The following CLIP2 variants were observed in gnomAD, a reference collection of about 807,000 sequenced individuals.
CLIP2 encodes CAP-Gly domain containing linker protein 2, also known as CAP-Gly domain-containing linker protein 2.
A neutral mutation model predicts 111.7 loss-of-function variants in CLIP2; 41 were observed. That is an observed-to-expected ratio of 0.37 (90% CI 0.29 to 0.48). CLIP2 has a LOEUF of 0.48. CLIP2 is among the 20% of genes least tolerant of loss of function. The pLI is 0.99. For missense variants in CLIP2, 1,160 were observed against 1,422.1 expected, an observed-to-expected ratio of 0.82 and a Z score of 2.96; for synonymous variants, 660 against 644.2, an observed-to-expected ratio of 1.02 and a Z score of -0.37.
chr7:74,349,308 G>A (rs1350065987), intron 3 of CLIP2, among the ~76,000 whole-genome samples: 2 of 150,776 alleles, frequency 1.3e-5, no homozygotes, highest in African/African-American at 2.4e-5. Flanking sequence ...GCACGTGCCT[G>A]TAATCCCAGC....
chr7:74,292,742 G>GC (rs1788062486), intron 1 of CLIP2, among the ~76,000 whole-genome samples: 2 of 152,122 alleles, frequency 1.3e-5, no homozygotes, highest in African/African-American at 4.8e-5. Context: ...TAATAAGGTT[G>GC]CCTACATTTT....
chr7:74,376,581 A>T lies in CLIP2; in HGVS notation c.2180A>T (p.Asp727Val). 1 of 1,611,382 alleles carries T rather than the reference A, an allele frequency of 6.2e-7. No homozygotes were observed. Among genetic ancestry groups the T allele is most frequent in the East Asian group, 2.2e-5 (1 of 44,780 alleles). ...CAGGAGGCCCAGGACCAGCGCCGGG[A>T]TGCCGAGCTGCGTGTGCACGAGCTG... is the stretch of plus-strand genomic sequence containing the variant. ...ELQEAQDQRRDAELRVHELEK... is the reference protein window; with the variant it reads ...ELQEAQDQRRVAELRVHELEK... Residue 727 changes from aspartate to valine, a missense_variant, in exon 10 of 17, where the codon GAT becomes GTT. Asp to Val is a radical substitution (Grantham distance 152). Transcript: ENST00000223398. The surrounding 1 kb of genome is among the most constrained non-coding windows in gnomAD (Gnocchi z 7.1).
Position 74,362,775 on chromosome 7 carries a change from T to G in CLIP2, c.1320-1480T>G, listed in dbSNP as rs554023180. Among the ~76,000 whole-genome samples the G allele has an allele frequency of 7.4e-3, 1,129 of 152,214 alleles. 6 individuals are homozygous for G. The highest frequency in any genetic ancestry group is 0.011 in the Non-Finnish European group (764 of 67,996). On this transcript the variant is annotated intron_variant, in intron 7 of 16. Coordinates refer to ENST00000223398, the MANE Select transcript of CLIP2 (RefSeq NM_003388.5). Reference sequence around the variant, plus strand: ...GTCTTGAACTCCTGGACTCAAGTGATCCACCCGCCTCGGCCTCCCAAAGTG... The same window carrying G: ...GTCTTGAACTCCTGGACTCAAGTGAGCCACCCGCCTCGGCCTCCCAAAGTG...
Position 74,375,990 on chromosome 7 carries a change from G to T in CLIP2, c.1589G>T (p.Gly530Val). The T allele has an allele frequency of 1.9e-6, 3 of 1,611,444 alleles. No individual in the cohort carries two copies. The highest frequency in any genetic ancestry group is 2.5e-6 in the Non-Finnish European group (3 of 1,179,412). ...CTCCAGCAGTGCCTGTTGCACTCGG[G>T]TCCCCCACCTCCGGACCACCCAGAC... ...EELQQCLLHS[G>V]PPPPDHPDAA... is the part of the protein sequence containing the mutation. Residue 530 changes from glycine (G) to valine (V), a missense_variant, in exon 10 of 17, where the codon GGT (glycine) becomes GTT (valine). By Grantham distance (109) the Gly-to-Val change is moderately radical. Coordinates refer to ENST00000223398, the MANE Select transcript of CLIP2 (RefSeq NM_003388.5).
chr7:74,332,373 G>A (rs1210696279), intron 2 of CLIP2, among the ~76,000 whole-genome samples: 1 of 148,624 alleles, frequency 6.7e-6, no homozygotes, highest in Non-Finnish European at 1.5e-5. Context: ...TGTGCCCCGT[G>A]TAATTTTTTT....
At chr7:74,299,819 C>G (rs1447731110) in intron 1 of CLIP2, among the ~76,000 whole-genome samples, 1 of 150,032 alleles carries the variant, frequency 6.7e-6, no homozygotes, top group Non-Finnish European at 1.5e-5. Flanking sequence ...CTGCCTCAGC[C>G]TCCCAAGTAG....
Position 74,317,687 on chromosome 7 carries a change from TG to T in CLIP2, c.121+26del. On this transcript the variant is annotated intron_variant, in intron 2 of 16. Transcript: ENST00000223398. The stretch of plus-strand genomic sequence containing the variant: ...AGGAAGGTACGTGGCACACCAAGGA[TG>T]GGGGGTGAGGGGACTGGCTACATGG... The T allele has an allele frequency of 9.8e-6, 14 of 1,427,310 alleles. No individual in the cohort carries two copies. In the South Asian group the frequency reaches 1.2e-4, roughly 12 times the overall value. 88.4% of individuals were successfully genotyped at this position (1,427,310 alleles called of 1,614,324 possible).
chr7:74,338,115 T>C lies in CLIP2; in HGVS notation c.122-333T>C, dbSNP rs1554732463. Reference sequence around the variant, plus strand: ...CTACTCGGGAGGCTGAGGTAGAGGATTGCTGGAGCCCAGGAAGTCAAGACT... The same window carrying C: ...CTACTCGGGAGGCTGAGGTAGAGGACTGCTGGAGCCCAGGAAGTCAAGACT... On this transcript the variant is annotated intron_variant, in intron 2 of 16. Transcript: ENST00000223398. This position sits in a 1 kb window ranked among gnomAD's most constrained non-coding sequence, Gnocchi z 4.3. Among the ~76,000 whole-genome samples, 1 of 151,956 alleles carries C rather than the reference T, an allele frequency of 6.6e-6. No homozygotes were observed. Among genetic ancestry groups the C allele is most frequent in the African/African-American group, 2.4e-5 (1 of 41,344 alleles).
At chr7:74,309,997 C>G (rs1554728255) in intron 1 of CLIP2, among the ~76,000 whole-genome samples, 2 of 103,368 alleles carry the variant, frequency 1.9e-5, no homozygotes, top group African/African-American at 7.4e-5. Flanking sequence ...TCCAGGAGTT[C>G]AAGACCAGCT....
intron 2 of CLIP2, among the ~76,000 whole-genome samples, chr7:74,336,880 T>G (rs56327656): frequency 0.64 from 90,579 of 141,286 alleles, 30,144 homozygotes; most frequent in Middle Eastern, 0.76. Flanking sequence ...TTTTTGTTTT[T>G]TTTTGTTTTG....
chr7:74,298,391 A>G (rs1788232895), intron 1 of CLIP2, among the ~76,000 whole-genome samples: 1 of 135,094 alleles, frequency 7.4e-6, no homozygotes, highest in African/African-American at 2.8e-5. Flanking sequence ...TTTAGTAGAG[A>G]CAGGGTTTTG....
intron 8 of CLIP2, among the ~76,000 whole-genome samples, chr7:74,369,153 C>A (rs1401933551): frequency 6.6e-6 from 1 of 152,150 alleles, no homozygotes; most frequent in Non-Finnish European, 1.5e-5. Flanking sequence ...GAGATTCAGA[C>A]CAGCCTGGCC....
chr7:74,356,339 C>T (rs1369948617), intron 4 of CLIP2, 71 bp from the exon 5 acceptor site: 5 of 1,257,860 alleles, frequency 4.0e-6, no homozygotes, highest in Non-Finnish European at 4.7e-6. Flanking sequence ...TCTGAAGAGG[C>T]AGAGGAGGCA....
intron 2 of CLIP2, among the ~76,000 whole-genome samples, chr7:74,322,239 C>T (rs1788979063): frequency 6.6e-6 from 1 of 151,410 alleles, no homozygotes; most frequent in Non-Finnish European, 1.5e-5. Flanking sequence ...GATCCACTGG[C>T]CTCGACCTGC....
At chr7:74,343,834 T>A (rs1789730453) in intron 3 of CLIP2, among the ~76,000 whole-genome samples, 1 of 148,324 alleles carries the variant, frequency 6.7e-6, no homozygotes, top group African/African-American at 2.5e-5. Flanking sequence ...GCTCAGGGGG[T>A]CAAGGCTGCA....
intron 2 of CLIP2, among the ~76,000 whole-genome samples, chr7:74,321,429 C>T (rs1788949354): frequency 6.6e-6 from 1 of 152,044 alleles, no homozygotes; most frequent in Admixed American, 6.6e-5. Flanking sequence ...TGAGTTTTAG[C>T]CATTGTCATG....
intron 13 of CLIP2, chr7:74,389,524 A>T: frequency 4.3e-6 from 1 of 231,528 alleles, no homozygotes; most frequent in Non-Finnish European, 8.1e-6. Flanking sequence ...TGGGAGGCTG[A>T]GGCAGGAGGA....
intron 2 of CLIP2, among the ~76,000 whole-genome samples, chr7:74,322,878 A>T (rs141974675): frequency 8.2e-4 from 124 of 151,558 alleles, no homozygotes; most frequent in African/African-American, 2.8e-3. Flanking sequence ...TTACAGGCAC[A>T]CACCACCATG....
chr7:74,380,646 G>A (rs569682545), intron 10 of CLIP2, 160 bp from the exon 11 acceptor site: 63 of 579,378 alleles, frequency 1.1e-4, no homozygotes, highest in South Asian at 8.5e-4. Flanking sequence ...GACTGAGGAC[G>A]TCTGCACTCC....
Sources: gnomAD v4.1 joint callset for allele counts (sites outside exome capture counted in the v4.1 genomes callset) on GRCh38, gnomAD v4.1.1 for gene constraint, Gnocchi (gnomAD v3.1) non-coding constraint, MANE v1.5 for transcripts, NCBI Gene and HGNC (gene_info 2026-07-23, HGNC 2026-07-21) for gene names.